Variants in FAM184A observed in about 807,000 individuals in gnomAD.
The protein encoded by FAM184A is protein FAM184A.
Under a neutral mutation model 143.8 loss-of-function variants are expected in FAM184A, and 99 were observed. The observed-to-expected ratio is 0.69, with a 90% CI of 0.58 to 0.81. The LOEUF (loss-of-function observed/expected upper bound fraction) is 0.81. Among genes scored for constraint, FAM184A ranks in the 40% least tolerant of loss-of-function variants. The probability of loss-of-function intolerance (pLI) is 0.00; values close to 1 mark genes in which losing one functional copy is unlikely to be tolerated. For missense variants in FAM184A, 1,217 were observed against 1,310.5 expected (o/e 0.93, Z 1.10); for synonymous variants, 427 against 446.4 (o/e 0.96, Z 0.55).
intron 1 of FAM184A, among the ~76,000 whole-genome samples, chr6:119,053,297 G>A (rs1390348942): frequency 6.6e-6 from 1 of 152,120 alleles, no homozygotes; most frequent in Non-Finnish European, 1.5e-5. Flanking sequence ...AAGTTATAGA[G>A]GACTTGTACA....
intron 1 of FAM184A, among the ~76,000 whole-genome samples, chr6:119,055,687 A>G (rs1224456915): frequency 1.3e-5 from 2 of 152,170 alleles, no homozygotes; most frequent in African/African-American, 2.4e-5. Flanking sequence ...AACATGCTAT[A>G]TATCTCTGGT....
rs1207413727 is a variant in FAM184A, at chr6:118,966,960, CAA to C, written c.2916-10_2916-9del. 1 of 1,340,224 alleles carries C rather than the reference CAA, an allele frequency of 7.5e-7. No homozygotes were observed. Among genetic ancestry groups the C allele is most frequent in the African/African-American group, 1.4e-5 (1 of 69,030 alleles). 83.0% of individuals were successfully genotyped at this position (1,340,224 alleles called of 1,614,324 possible). ...TCTTCCATTTCTTCTAATCTGAAAA[CAA>C]GAAAGACTTTAGCTCATTGATATCA... On this transcript the variant is annotated splice_polypyrimidine_tract_variant and intron_variant, in intron 14 of 17. Transcript: ENST00000338891.
intron 14 of FAM184A, among the ~76,000 whole-genome samples, chr6:118,969,586 G>A (rs997427902): frequency 2.6e-5 from 4 of 152,040 alleles, no homozygotes; most frequent in African/African-American, 7.3e-5. Flanking sequence ...TTCAGTTGCC[G>A]CAGGCAGCTC....
chr6:119,116,326 T>A (rs1463622822), intron 1 of FAM184A, among the ~76,000 whole-genome samples: 1 of 150,838 alleles, frequency 6.6e-6, no homozygotes, highest in Admixed American at 6.6e-5. Flanking sequence ...ATCATAAAGA[T>A]GGGAACAATA....
intron 1 of FAM184A, among the ~76,000 whole-genome samples, chr6:119,104,282 C>T (rs751873788): frequency 6.6e-6 from 1 of 152,202 alleles, no homozygotes; most frequent in Admixed American, 6.5e-5. Flanking sequence ...ACTGGAATTA[C>T]AGGCTTGAGC....
intron 1 of FAM184A, among the ~76,000 whole-genome samples, chr6:119,099,756 G>T (rs919953427): frequency 6.6e-6 from 1 of 152,098 alleles, no homozygotes; most frequent in African/African-American, 2.4e-5. Context: ...GCTTCCTGGA[G>T]GGGGGCGCAC....
chr6:118,964,571 G>T, intron 16 of FAM184A, 96 bp downstream of exon 16: 1 of 528,422 alleles, frequency 1.9e-6, no homozygotes, highest in Non-Finnish European at 3.3e-6. Flanking sequence ...ACATTTTTTG[G>T]GAGCTTTATC....
At chr6:119,013,473 A>G (rs1463912994) in intron 5 of FAM184A, among the ~76,000 whole-genome samples, 1 of 152,240 alleles carries the variant, frequency 6.6e-6, no homozygotes, top group East Asian at 1.9e-4. Flanking sequence ...TAGCTAGGAA[A>G]CAGAGTACAG....
rs1491454245 is a variant in FAM184A, at chr6:118,970,009, T to TATA, written c.2916-3058_2916-3057insTAT. Among the ~76,000 whole-genome samples, 5 of 23,276 alleles carry TATA rather than the reference T, an allele frequency of 2.1e-4. 1 individual carries two copies. The highest frequency in any genetic ancestry group is 3.5e-4 in the African/African-American group (2 of 5,778). The allele number at this position is 23,276 out of a possible 152,430, so 15.3% of individuals were successfully genotyped here. A position where few individuals can be genotyped will look rare whatever the true frequency, so the allele number is the denominator to read the frequency against. ...TATATATATAATATATATATATATA[T>TATA]TTTTTTTTTTTTGAGATGGAGTTTT... On this transcript the variant is annotated intron_variant, in intron 14 of 17. Coordinates refer to ENST00000338891, the MANE Select transcript of FAM184A (RefSeq NM_024581.6).
At chr6:119,059,468 C>T (rs1412408137) in intron 1 of FAM184A, among the ~76,000 whole-genome samples, 1 of 152,214 alleles carries the variant, frequency 6.6e-6, no homozygotes, top group African/African-American at 2.4e-5. Flanking sequence ...TAAACATCCA[C>T]TATTAAGTTC....
chr6:119,142,075 A>C (rs993863909), intron 1 of FAM184A, among the ~76,000 whole-genome samples: 5 of 152,326 alleles, frequency 3.3e-5, no homozygotes, highest in Non-Finnish European at 5.9e-5. Flanking sequence ...GCCATTTAGC[A>C]GCAATATAGT....
intron 9 of FAM184A, among the ~76,000 whole-genome samples, chr6:118,988,712 A>T (rs1161994846): frequency 6.6e-6 from 1 of 152,192 alleles, no homozygotes; most frequent in African/African-American, 2.4e-5. Flanking sequence ...TTCCTAGGAT[A>T]TATTTGGCAA....
chr6:119,063,255 G>GT (rs2114772371), intron 1 of FAM184A, among the ~76,000 whole-genome samples: 1 of 152,264 alleles, frequency 6.6e-6, no homozygotes, highest in African/African-American at 2.4e-5. Flanking sequence ...ACATGTTGCT[G>GT]TAAAATTTGT....
chr6:119,141,029 T>C (rs1772215851), intron 1 of FAM184A, among the ~76,000 whole-genome samples: 1 of 152,218 alleles, frequency 6.6e-6, no homozygotes, highest in African/African-American at 2.4e-5. Context: ...GGCTACTTTA[T>C]ATGACCCGGA....
chr6:119,122,380 G>T (rs1382710778), intron 1 of FAM184A, among the ~76,000 whole-genome samples: 1 of 152,154 alleles, frequency 6.6e-6, no homozygotes, highest in African/African-American at 2.4e-5. Flanking sequence ...AAGAGTAGAA[G>T]AGGAGACTTT....
intron 1 of FAM184A, among the ~76,000 whole-genome samples, chr6:119,032,466 C>A (rs558636176): frequency 1.9e-3 from 251 of 130,594 alleles, no homozygotes; most frequent in African/African-American, 7.1e-3. Flanking sequence ...CTATCCCTTC[C>A]AGACCAGGGA....
In FAM184A at chr6:118,964,694, A is replaced by G. The variant is rs1256665637; in HGVS notation, c.3111T>C (p.Thr1037=). 3 of 1,605,494 alleles carry G rather than the reference A, an allele frequency of 1.9e-6. No individual in the cohort carries two copies. The African/African-American group carries it at 4.0e-5, about 21-fold the overall frequency. Residue 1037 remains threonine (T), a synonymous_variant, in exon 16 of 18, where the codon ACT becomes ACC. Coordinates refer to ENST00000338891, the MANE Select transcript of FAM184A (RefSeq NM_024581.6). ...TAGCCAATGGATTAATAACACCAAC[A>G]GTAGGACTTGAGTTAAACACTTTGT... ...NFNKVFNSSP[T]VGVINPLAKQ... is the part of the protein sequence containing the mutation.
At chr6:119,038,705 AT>A in intron 1 of FAM184A, among the ~76,000 whole-genome samples, 1 of 152,310 alleles carries the variant, frequency 6.6e-6, no homozygotes, top group South Asian at 2.1e-4. Flanking sequence ...CCATTATTTT[AT>A]TTCTTTACTT....
At chr6:118,966,484 GCTTTT>G (rs746887920) in intron 15 of FAM184A, among the ~76,000 whole-genome samples, 1 of 151,996 alleles carries the variant, frequency 6.6e-6, no homozygotes, top group African/African-American at 2.4e-5. Context: ...GAATGTGCTG[GCTTTT>G]CTTTGCTAGC....
Sources: gnomAD v4.1 joint callset for allele counts (sites outside exome capture counted in the v4.1 genomes callset) on GRCh38, gnomAD v4.1.1 for gene constraint, MANE v1.5 for transcripts, NCBI Gene and HGNC (gene_info 2026-07-23, HGNC 2026-07-21) for gene names.